Variants in RBFOX1 observed in about 807,000 individuals in gnomAD.
The protein encoded by RBFOX1 is RNA binding protein fox-1 homolog 1.
Under a neutral mutation model 57.7 loss-of-function variants are expected in RBFOX1, and 8 were observed. The observed-to-expected ratio is 0.14, with a 90% confidence interval of 0.08 to 0.25. The LOEUF is 0.25. Ranked by LOEUF, RBFOX1 falls within the 10% of genes least tolerant of loss-of-function variation. The pLI, the probability that RBFOX1 is intolerant of heterozygous loss-of-function variation, is 1.00. For missense variants in RBFOX1, 611 were observed against 548.5 expected, an observed-to-expected ratio of 1.11 and a Z score of -1.14; for synonymous variants, 326 against 222.4, an observed-to-expected ratio of 1.47 and a Z score of -4.15.
At chr16:5,651,530 C>T (rs1442175631) in intron 3 of RBFOX1, among the ~76,000 whole-genome samples, 1 of 152,120 alleles carries the variant, frequency 6.6e-6, no homozygotes, top group African/African-American at 2.4e-5. Flanking sequence ...GATCAGGTTT[C>T]ACCCTCCCAG....
At chr16:6,657,433 G>T (rs569187132) in intron 3 of RBFOX1, among the ~76,000 whole-genome samples, 3 of 152,100 alleles carry the variant, frequency 2.0e-5, no homozygotes, top group Admixed American at 2.0e-4. Flanking sequence ...CACCCCAGCA[G>T]AACAGCTCCA....
chr16:6,906,657 A>C (rs2070045149), intron 3 of RBFOX1, among the ~76,000 whole-genome samples: 1 of 152,042 alleles, frequency 6.6e-6, no homozygotes, highest in South Asian at 2.1e-4. Flanking sequence ...TTCATCTCTG[A>C]ACTCTTGGGA....
intron 3 of RBFOX1, among the ~76,000 whole-genome samples, chr16:5,687,690 G>C (rs1381246556): frequency 6.6e-6 from 1 of 152,160 alleles, no homozygotes; most frequent in Non-Finnish European, 1.5e-5. Context: ...TACTGTCTCA[G>C]CTTTAGCACT....
intron 3 of RBFOX1, among the ~76,000 whole-genome samples, chr16:5,605,690 T>C (rs1194595021): frequency 6.6e-6 from 1 of 151,656 alleles, no homozygotes; most frequent in Non-Finnish European, 1.5e-5. Flanking sequence ...TTGTCCTTGA[T>C]GAGTAATGTC....
At chr16:6,466,841 T>C (rs1447454585) in intron 2 of RBFOX1, among the ~76,000 whole-genome samples, 1 of 152,168 alleles carries the variant, frequency 6.6e-6, no homozygotes, top group East Asian at 1.9e-4. Context: ...CTCTCATTGA[T>C]TTCTAGTCAG....
chr16:5,346,210 T>C (rs2065136124), intron 1 of RBFOX1, among the ~76,000 whole-genome samples: 1 of 152,018 alleles, frequency 6.6e-6, no homozygotes, highest in South Asian at 2.1e-4. Flanking sequence ...GTGTGTGACG[T>C]TGTGCAAATC....
At chr16:6,718,758 C>A (rs2065337923) in intron 3 of RBFOX1, among the ~76,000 whole-genome samples, 1 of 152,138 alleles carries the variant, frequency 6.6e-6, no homozygotes, top group Non-Finnish European at 1.5e-5. Flanking sequence ...CAGCAAAATC[C>A]CAAATGAGTT....
intron 1 of RBFOX1, among the ~76,000 whole-genome samples, chr16:6,313,375 G>T (rs28580483): frequency 0.32 from 48,334 of 152,070 alleles, 8,138 homozygotes; most frequent in Middle Eastern, 0.41. Context: ...TGGGGGCAAG[G>T]GGTGCAAGCC....
rs116211983 is a variant in RBFOX1, at chr16:5,595,249, C to G, written c.259-3653C>G. On this transcript the variant is annotated intron_variant, in intron 2 of 2. Transcript: ENST00000585867. ...AGAATATCACCTTCTAATGCCACCT[C>G]TGGGAGCTGACACCAGCCCATGACA... 7.9e-3 allele frequency among the ~76,000 whole-genome samples: 1,205 copies of G among 152,298 alleles called. 20 individuals carry two copies. The highest frequency in any genetic ancestry group is 0.028 in the African/African-American group (1,171 of 41,552).
intron 2 of RBFOX1, among the ~76,000 whole-genome samples, chr16:6,622,929 C>T (rs779195131): frequency 4.7e-4 from 71 of 152,336 alleles, no homozygotes; most frequent in Admixed American, 2.0e-4. Flanking sequence ...AGTTAATGCA[C>T]TTAATTCTCT....
At chr16:6,578,594 T>TGC (rs1567750907) in intron 2 of RBFOX1, among the ~76,000 whole-genome samples, 12 of 132,750 alleles carry the variant, frequency 9.0e-5, no homozygotes, top group East Asian at 2.4e-4. Context: ...TATTGGTGTG[T>TGC]GTGCGTGTGT....
chr16:6,780,235 A>G (rs1172266608), intron 3 of RBFOX1, among the ~76,000 whole-genome samples: 1 of 82,070 alleles, frequency 1.2e-5, no homozygotes, highest in Non-Finnish European at 2.0e-5. Context: ...ATATATTTAT[A>G]TATATTTACA....
chr16:5,990,526 C>T lies in RBFOX1; in HGVS notation c.351+123191C>T, dbSNP rs140919175. 3.0e-4 allele frequency among the ~76,000 whole-genome samples: 46 copies of T among 152,288 alleles called. 1 individual carries two copies. The highest frequency in any genetic ancestry group is 1.0e-3 in the African/African-American group (42 of 41,558). ...TTTTTTCTGCCCTCCCAAGGGATTTCTGCTACAGCCTGACTTGTTCTGTGG... is the reference window on the plus strand; with the variant it reads ...TTTTTTCTGCCCTCCCAAGGGATTTTTGCTACAGCCTGACTTGTTCTGTGG... On this transcript the variant is annotated intron_variant, in intron 4 of 19. Coordinates refer to the RBFOX1 transcript ENST00000641259.
chr16:6,431,954 T>A (rs1165870543), intron 2 of RBFOX1, among the ~76,000 whole-genome samples: 1 of 148,520 alleles, frequency 6.7e-6, no homozygotes, highest in South Asian at 2.1e-4. Flanking sequence ...TCTTTCTTTC[T>A]TTCTTTCTTT....
chr16:6,564,321 G>T (rs1014119716), intron 2 of RBFOX1, among the ~76,000 whole-genome samples: 2 of 152,150 alleles, frequency 1.3e-5, no homozygotes, highest in African/African-American at 4.8e-5. Context: ...AGTGCATACA[G>T]TGGAGTATTA....
intron 1 of RBFOX1, among the ~76,000 whole-genome samples, chr16:5,428,556 C>T (rs1174602002): frequency 6.6e-6 from 1 of 152,076 alleles, no homozygotes; most frequent in East Asian, 1.9e-4. Flanking sequence ...GTCCTGAGCA[C>T]CACGGAGACA....
At position 7,064,883 on chromosome 16, in the gene RBFOX1, G is replaced by A. The variant is rs58770813; in HGVS notation, c.27+12785G>A. ...TTTGAAATGCAATTTTAAACTAGCT[G>A]TGGTATGATACTCCCTCTGTATGTG... On this transcript the variant is annotated intron_variant, in intron 4 of 15. Transcript: ENST00000550418. 8.6e-3 allele frequency among the ~76,000 whole-genome samples: 1,304 copies of A among 152,260 alleles called. 18 individuals carry two copies. Among genetic ancestry groups the A allele is most frequent in the African/African-American group, 0.03 (1,226 of 41,552 alleles).
chr16:5,255,793 G>A (rs556454202), intron 1 of RBFOX1, among the ~76,000 whole-genome samples: 76 of 151,998 alleles, frequency 5.0e-4, no homozygotes, highest in Admixed American at 1.5e-3. Flanking sequence ...AGATTCTGGG[G>A]AGGTATCTGC....
intron 13 of RBFOX1, among the ~76,000 whole-genome samples, chr16:7,671,996 C>G (rs553229203): frequency 6.6e-6 from 1 of 152,180 alleles, no homozygotes; most frequent in Non-Finnish European, 1.5e-5. Flanking sequence ...CTAATTGAAC[C>G]AATTGTCTGG....
Sources: gnomAD v4.1 joint callset for allele counts (sites outside exome capture counted in the v4.1 genomes callset) on GRCh38, gnomAD v4.1.1 for gene constraint, MANE v1.5 for transcripts, NCBI Gene and HGNC (gene_info 2026-07-23, HGNC 2026-07-21) for gene names.